FOXP2: variants seen among roughly 807,000 people sequenced by gnomAD.
FOXP2 encodes the protein forkhead box P2.
In FOXP2, 12 loss-of-function variants were observed where a neutral mutation model predicts 115.8. The observed-to-expected ratio is 0.10, with a 90% confidence interval of 0.07 to 0.17. FOXP2 has a LOEUF of 0.17. Among genes scored for constraint, FOXP2 ranks in the 10% least tolerant of loss-of-function variants. The pLI is 1.00. For synonymous variants in FOXP2, 328 were observed against 297.7 expected (o/e 1.10, Z -1.05); for missense variants, 629 against 843.5 (o/e 0.75, Z 3.15).
chr7:114,558,760 C>T (rs1489236370), intron 3 of FOXP2, among the ~76,000 whole-genome samples: 2 of 152,112 alleles, frequency 1.3e-5, no homozygotes, highest in Non-Finnish European at 2.9e-5. Flanking sequence ...TTCCTTTTCA[C>T]CAGTGCATAC....
intron 1 of FOXP2, among the ~76,000 whole-genome samples, chr7:114,141,020 T>G (rs1286456576): frequency 6.6e-6 from 1 of 152,232 alleles, no homozygotes; most frequent in Non-Finnish European, 1.5e-5. Context: ...TTTAGCTTGC[T>G]GTTGGCAACT....
chr7:114,553,672 C>A (rs1012280213), intron 3 of FOXP2, among the ~76,000 whole-genome samples: 2 of 152,042 alleles, frequency 1.3e-5, no homozygotes, highest in African/African-American at 4.8e-5. Flanking sequence ...GAATATGTAA[C>A]AATAATAAAC....
At chr7:114,362,303 C>T (rs1043953915) in intron 2 of FOXP2, among the ~76,000 whole-genome samples, 1 of 151,926 alleles carries the variant, frequency 6.6e-6, no homozygotes, top group Non-Finnish European at 1.5e-5. Context: ...AACCTTAATG[C>T]TTAGGACAAA....
At chr7:114,618,756 T>G (rs1023171877) in intron 3 of FOXP2, among the ~76,000 whole-genome samples, 2 of 152,196 alleles carry the variant, frequency 1.3e-5, no homozygotes, top group African/African-American at 4.8e-5. Flanking sequence ...ATCTTTTTAA[T>G]GTTTTTAGAT....
intron 2 of FOXP2, among the ~76,000 whole-genome samples, chr7:114,497,946 A>G (rs936436260): frequency 6.6e-6 from 1 of 152,106 alleles, no homozygotes; most frequent in African/African-American, 2.4e-5. Flanking sequence ...GCACTGTACA[A>G]TACAAGCCTA....
chr7:114,132,946 C>T (rs1562975100), intron 1 of FOXP2, among the ~76,000 whole-genome samples: 1 of 152,108 alleles, frequency 6.6e-6, no homozygotes. Flanking sequence ...TTCATATAAT[C>T]ACTCTGGCTG....
chr7:114,415,928 G>T (rs548033022), intron 1 of FOXP2, among the ~76,000 whole-genome samples: 40 of 152,010 alleles, frequency 2.6e-4, no homozygotes, highest in Non-Finnish European at 5.2e-4. Flanking sequence ...ATTAAAAATT[G>T]GTTGGTGGGT....
chr7:114,426,700 T>C (rs745475522), intron 2 of FOXP2, 21 bp downstream of exon 2: 10 of 1,609,316 alleles, frequency 6.2e-6, no homozygotes, highest in Middle Eastern at 3.3e-4. Flanking sequence ...TTTTCCTCAG[T>C]GCTTCCTTAA....
At chr7:114,423,631 T>C (rs1227028002) in intron 1 of FOXP2, among the ~76,000 whole-genome samples, 1 of 151,636 alleles carries the variant, frequency 6.6e-6, no homozygotes, top group Non-Finnish European at 1.5e-5. Context: ...TAAGAATGAA[T>C]AATTTAGCTT....
At chr7:114,162,305 G>A (rs907128015), upstream of FOXP2, among the ~76,000 whole-genome samples, 8 of 151,966 alleles carry the variant, frequency 5.3e-5, no homozygotes, top group Non-Finnish European at 7.4e-5. Flanking sequence ...GAATTAAGAT[G>A]AAACCAGATT....
At chr7:114,129,621 A>C (rs778653173) in intron 1 of FOXP2, among the ~76,000 whole-genome samples, 16 of 152,182 alleles carry the variant, frequency 1.1e-4, no homozygotes, top group Admixed American at 2.0e-4. Flanking sequence ...GCTCCAAGGG[A>C]TGTCATCTTA....
chr7:114,687,961 G>A (rs560383321), intron 16 of FOXP2, among the ~76,000 whole-genome samples: 12 of 151,996 alleles, frequency 7.9e-5, no homozygotes, highest in South Asian at 4.1e-4. Context: ...TATTTGTCAC[G>A]TTTTAAAACT....
intron 16 of FOXP2, among the ~76,000 whole-genome samples, chr7:114,672,553 C>T (rs918589121): frequency 1.3e-5 from 2 of 151,964 alleles, no homozygotes; most frequent in Non-Finnish European, 2.9e-5. Context: ...CCGCTGTGCT[C>T]CAGCCAATGT....
intron 3 of FOXP2, among the ~76,000 whole-genome samples, chr7:114,557,199 G>A (rs1178375567): frequency 6.6e-6 from 1 of 152,152 alleles, no homozygotes; most frequent in Admixed American, 6.5e-5. Context: ...TCAGTGTCTT[G>A]ATTTGAAATA....
chr7:114,485,426 T>G (rs1237984697), intron 2 of FOXP2, among the ~76,000 whole-genome samples: 2 of 151,850 alleles, frequency 1.3e-5, no homozygotes. Flanking sequence ...GGTCTTAAAT[T>G]TTTTTTAAAT....
rs116516221 is a variant in FOXP2 at position 114,192,360 on chromosome 7, C to T, written c.-102+29272C>T. On this transcript the variant is annotated intron_variant, in intron 1 of 17. Coordinates refer to the FOXP2 transcript ENST00000634411. ...AACATTTCATTATATGGATGCTTCA[C>T]GGTTTGTTTATCCATTCAGCTGTTG... 9.7e-4 allele frequency among the ~76,000 whole-genome samples: 147 copies of T among 152,212 alleles called. 2 individuals carry two copies. The highest frequency in any genetic ancestry group is 1.5e-3 in the Non-Finnish European group (99 of 68,014).
At chr7:114,417,799 T>G (rs1310396558) in intron 1 of FOXP2, among the ~76,000 whole-genome samples, 2 of 151,964 alleles carry the variant, frequency 1.3e-5, no homozygotes, top group African/African-American at 4.8e-5. Flanking sequence ...GAAACCTTTT[T>G]TGGTAATGAT....
intron 2 of FOXP2, among the ~76,000 whole-genome samples, chr7:114,403,957 G>A (rs539361095): frequency 4.6e-5 from 7 of 152,282 alleles, no homozygotes; most frequent in Admixed American, 1.3e-4. Flanking sequence ...CTTGGGTTAA[G>A]AAGGACTGAC....
At chr7:114,249,945 C>T (rs2129169214) in intron 1 of FOXP2, among the ~76,000 whole-genome samples, 3 of 129,344 alleles carry the variant, frequency 2.3e-5, no homozygotes. Context: ...CTATCCCTCC[C>T]CCCTCCCCCG....
Sources: allele counts gnomAD v4.1 joint callset (sites outside exome capture counted in the v4.1 genomes callset), GRCh38; gene constraint gnomAD v4.1.1; transcripts MANE v1.5; gene names NCBI Gene and HGNC (gene_info 2026-07-23, HGNC 2026-07-21).